Variants in ATP6V1H observed in about 807,000 individuals in gnomAD.
ATP6V1H encodes the protein V-type proton ATPase subunit H.
Under a neutral mutation model 71.7 loss-of-function variants are expected in ATP6V1H, and 39 were observed. The observed-to-expected ratio is 0.54, with a 90% CI of 0.42 to 0.71. The LOEUF (loss-of-function observed/expected upper bound fraction) is 0.71, where lower values mean the gene tolerates loss of function less well. ATP6V1H is among the 30% of genes least tolerant of loss of function. The pLI is 0.00. For synonymous variants in ATP6V1H, 192 were observed against 199.3 expected (o/e 0.96, Z 0.31); for missense variants, 509 against 594.9 (o/e 0.86, Z 1.50).
intron 13 of ATP6V1H, among the ~76,000 whole-genome samples, chr8:53,734,731 T>G (rs1807136757): frequency 6.6e-6 from 1 of 152,190 alleles, no homozygotes. Context: ...AGGGAACTCC[T>G]GGGCTGACTC....
At chr8:53,729,219 T>C (rs780495265) in intron 13 of ATP6V1H, among the ~76,000 whole-genome samples, 2 of 152,184 alleles carry the variant, frequency 1.3e-5, no homozygotes, top group Non-Finnish European at 2.9e-5. Flanking sequence ...TTATACTTTT[T>C]GTCTTTAAAA....
chr8:53,841,542 A>G, intron 2 of ATP6V1H, 36 bp downstream of exon 2: 1 of 1,607,356 alleles, frequency 6.2e-7, no homozygotes, highest in Non-Finnish European at 8.5e-7. Flanking sequence ...GCAAAAGCAT[A>G]TGACTGTCCA....
intron 9 of ATP6V1H, among the ~76,000 whole-genome samples, chr8:53,793,125 T>C (rs979328329): frequency 1.3e-5 from 2 of 152,182 alleles, no homozygotes; most frequent in Non-Finnish European, 2.9e-5. Context: ...ATAAGCAATT[T>C]ATAGAAAGAA....
At chr8:53,736,190 T>A (rs978678181) in intron 13 of ATP6V1H, among the ~76,000 whole-genome samples, 12 of 152,138 alleles carry the variant, frequency 7.9e-5, no homozygotes, top group African/African-American at 2.7e-4. Flanking sequence ...TATATAAGTG[T>A]CCCCACTGTA....
chr8:53,821,079 A>G (rs1043173284), intron 4 of ATP6V1H, among the ~76,000 whole-genome samples: 14 of 135,708 alleles, frequency 1.0e-4, no homozygotes, highest in Non-Finnish European at 1.6e-4. Flanking sequence ...AAAAAAAAAA[A>G]AGAGAGAGAG....
chr8:53,803,398 T>C (rs908998625), intron 7 of ATP6V1H, among the ~76,000 whole-genome samples: 2 of 152,000 alleles, frequency 1.3e-5, no homozygotes, highest in Non-Finnish European at 2.9e-5. Context: ...GACAACAGCC[T>C]TCAAAATGAA....
At position 53,841,718 on chromosome 8, in the gene ATP6V1H, C is replaced by A. The variant is rs1437195126; in HGVS notation, c.-28G>T. 6.2e-7 allele frequency: 1 copy of A among 1,606,792 alleles called. No homozygotes were observed. The highest frequency in any genetic ancestry group is 8.5e-7 in the Non-Finnish European group (1 of 1,176,360). On this transcript the variant is annotated 5_prime_UTR_variant, in exon 2 of 14. Transcript: ENST00000359530. ...AAACTTCGTAATCTTGAATGTCTTT[C>A]AACAAATCTTCAATTTTGATGCAAG...
At chr8:53,803,124 C>T (rs762164227) in intron 7 of ATP6V1H, among the ~76,000 whole-genome samples, 102 of 152,078 alleles carry the variant, frequency 6.7e-4, no homozygotes, top group Non-Finnish European at 1.2e-3. Context: ...ATCACTTGAG[C>T]TCAGGAGTTC....
chr8:53,756,501 G>T (rs1790953390), intron 12 of ATP6V1H, 54 bp downstream of exon 12: 4 of 1,342,068 alleles, frequency 3.0e-6, no homozygotes, highest in South Asian at 2.4e-5. Context: ...CATTATTTAG[G>T]ACTCTACACT....
chr8:53,765,283 T>C (rs1374484097), intron 11 of ATP6V1H, among the ~76,000 whole-genome samples: 1 of 151,306 alleles, frequency 6.6e-6, no homozygotes, highest in Non-Finnish European at 1.5e-5. Flanking sequence ...GCGCCTGTAA[T>C]CCCAGCTACT....
In ATP6V1H at chr8:53,777,643, G is replaced by A. The variant is rs112693920; in HGVS notation, c.871-5476C>T. Among the ~76,000 whole-genome samples, 33 of 152,266 alleles carry A rather than the reference G, an allele frequency of 2.2e-4. 1 individual carries two copies. Among genetic ancestry groups the A allele is most frequent in the African/African-American group, 4.8e-4 (20 of 41,560 alleles). ...TGGCTAACATTTTCTGTAAAAGGGC[G>A]AAGAGTAAATATTTTAGGCTTTGCA... On this transcript the variant is annotated intron_variant, in intron 9 of 13. Coordinates refer to ENST00000359530, the MANE Select transcript of ATP6V1H (RefSeq NM_015941.4).
At position 53,817,526 on chromosome 8, in the gene ATP6V1H, T is replaced by C. The variant is rs146174310; in HGVS notation, c.311A>G (p.Asn104Ser). The C allele has an allele frequency of 9.5e-5, 153 of 1,604,960 alleles. No individual in the cohort carries two copies. In the African/African-American group the frequency reaches 1.6e-3, roughly 16 times the overall value. Residue 104 changes from asparagine (N) to serine (S), a missense_variant, in exon 5 of 14, where the codon AAT becomes AGT. Around this residue, in one of 2 missense-constraint regions of ATP6V1H, gnomAD observed 297 missense variants for 303.3 expected, o/e 0.98. Coordinates refer to ENST00000359530, the MANE Select transcript of ATP6V1H (RefSeq NM_015941.4). Reference sequence around the variant, plus strand: ...AAAGAAAATGCTAACACGCTGATGATTTTCCTAAAAAAGAAAAGAAATGAT... The same window carrying C: ...AAAGAAAATGCTAACACGCTGATGACTTTCCTAAAAAAGAAAAGAAATGAT... ...LTMVDDMLQE[N>S]HQRVSIFFDY... is the part of the protein sequence containing the mutation.
intron 9 of ATP6V1H, among the ~76,000 whole-genome samples, chr8:53,781,969 T>C (rs1245716655): frequency 1.3e-5 from 2 of 152,240 alleles, no homozygotes; most frequent in Non-Finnish European, 2.9e-5. Flanking sequence ...TGAAGTCAGG[T>C]AGCATGATGC....
At chr8:53,776,292 C>T (rs914766694) in intron 9 of ATP6V1H, among the ~76,000 whole-genome samples, 1 of 152,224 alleles carries the variant, frequency 6.6e-6, no homozygotes, top group Non-Finnish European at 1.5e-5. Context: ...TCCACACCTC[C>T]CTGCAAGCTG....
intron 13 of ATP6V1H, among the ~76,000 whole-genome samples, chr8:53,735,109 C>T (rs1310681449): frequency 6.6e-6 from 1 of 152,164 alleles, no homozygotes; most frequent in East Asian, 1.9e-4. Flanking sequence ...AGCCGTTCTG[C>T]CCGGCATACT....
At chr8:53,806,370 T>C (rs957625099) in intron 7 of ATP6V1H, among the ~76,000 whole-genome samples, 1 of 152,126 alleles carries the variant, frequency 6.6e-6, no homozygotes, top group African/African-American at 2.4e-5. Flanking sequence ...ACCCCAAGAA[T>C]TCTCTTGAAG....
In ATP6V1H at chr8:53,762,559, A is replaced by C. The variant is rs184510948; in HGVS notation, c.1176-5903T>G. Among the ~76,000 whole-genome samples, 230 of 152,322 alleles carry C rather than the reference A, an allele frequency of 1.5e-3. 1 individual carries two copies. Among genetic ancestry groups the C allele is most frequent in the African/African-American group, 5.3e-3 (220 of 41,568 alleles). ...GAACAGGCATGCTCATGCTCATACT[A>C]TCAGACACCAAGACAGAAAATAATG... On this transcript the variant is annotated intron_variant, in intron 11 of 13. Coordinates refer to ENST00000359530, the MANE Select transcript of ATP6V1H (RefSeq NM_015941.4).
At chr8:53,735,345 G>A (rs1212261163) in intron 13 of ATP6V1H, among the ~76,000 whole-genome samples, 1 of 152,118 alleles carries the variant, frequency 6.6e-6, no homozygotes, top group Non-Finnish European at 1.5e-5. Flanking sequence ...ACGGGCTGGC[G>A]TCTGTAGCTG....
rs137894985 is a variant in ATP6V1H at position 53,815,259 on chromosome 8, A to G, written c.421-493T>C. 2.2e-3 allele frequency among the ~76,000 whole-genome samples: 342 copies of G among 152,292 alleles called. 2 individuals are homozygous for G. Among genetic ancestry groups the G allele is most frequent in the African/African-American group, 7.8e-3 (326 of 41,566 alleles). On this transcript the variant is annotated intron_variant, in intron 5 of 13. Transcript: ENST00000359530. ...TAGTCGTCTCTCCCAACATAAACAA[A>G]TATCCTTTCTCCTGAAAGATTTCTC...
Sources: gnomAD v4.1 joint callset for allele counts (sites outside exome capture counted in the v4.1 genomes callset) on GRCh38, gnomAD v4.1.1 for gene constraint, gnomAD v4.1.1 regional missense constraint, MANE v1.5 for transcripts, NCBI Gene and HGNC (gene_info 2026-07-23, HGNC 2026-07-21) for gene names.